TAFA1: variants seen among roughly 807,000 people sequenced by gnomAD.
The protein encoded by TAFA1 is TAFA chemokine like family member 1, also known as chemokine-like protein TAFA-1.
Under a neutral mutation model 18.5 loss-of-function variants are expected in TAFA1, and 4 were observed. The observed-to-expected ratio is 0.22, with a 90% CI of 0.11 to 0.49. TAFA1 has a LOEUF of 0.49. Ranked by LOEUF, TAFA1 falls within the 20% of genes least tolerant of loss-of-function variation. The pLI, the probability that TAFA1 is intolerant of heterozygous loss-of-function variation, is 0.98. For missense variants in TAFA1, 147 were observed against 169.0 expected (o/e 0.87, Z 0.72); for synonymous variants, 56 against 55.2 (o/e 1.01, Z -0.06).
intron 2 of TAFA1, chr3:68,145,497 G>A (rs981899207): frequency 1.0e-6 from 1 of 963,300 alleles, no homozygotes; most frequent in African/African-American, 1.6e-5. Context: ...GTTCTGCCCA[G>A]AAAGCCAGTT....
intron 3 of TAFA1, among the ~76,000 whole-genome samples, chr3:68,529,806 C>T (rs867825307): frequency 1.3e-5 from 2 of 152,172 alleles, no homozygotes; most frequent in Admixed American, 6.5e-5. Flanking sequence ...GGGGAATTGA[C>T]CTGTTCATGA....
intron 3 of TAFA1, among the ~76,000 whole-genome samples, chr3:68,481,725 G>A (rs149515083): frequency 6.5e-4 from 99 of 152,208 alleles, no homozygotes; most frequent in South Asian, 6.2e-3. Context: ...TCAATATGTC[G>A]TAGCTTTTTT....
intron 2 of TAFA1, among the ~76,000 whole-genome samples, chr3:68,046,492 T>C (rs936485361): frequency 8.5e-5 from 13 of 152,198 alleles, no homozygotes; most frequent in Non-Finnish European, 8.8e-5. Flanking sequence ...TTTAAACAAA[T>C]GTTTGGCTGT....
chr3:68,176,042 A>T (rs2066120771), intron 2 of TAFA1, among the ~76,000 whole-genome samples: 1 of 152,122 alleles, frequency 6.6e-6, no homozygotes, highest in Non-Finnish European at 1.5e-5. Context: ...TCCACATAAG[A>T]TGTGAGTTGC....
chr3:68,337,722 T>C (rs994335642), intron 2 of TAFA1, among the ~76,000 whole-genome samples: 1 of 152,234 alleles, frequency 6.6e-6, no homozygotes, highest in African/African-American at 2.4e-5. Context: ...GTTTAAGTAC[T>C]GCATTTCTTA....
At chr3:68,430,041 G>A (rs906524201) in intron 3 of TAFA1, among the ~76,000 whole-genome samples, 2 of 151,894 alleles carry the variant, frequency 1.3e-5, no homozygotes, top group African/African-American at 2.4e-5. Flanking sequence ...GCTGAACAAA[G>A]ACAGCCCCTT....
At position 68,505,996 on chromosome 3, in the gene TAFA1, G is replaced by A. The variant is rs1014154750; in HGVS notation, c.260-32760G>A. ...GATGGTTTGCTGCACCCATCAACCCGTCATCTACATGAGGTTATTTCTCCT... is the reference window on the plus strand; with the variant it reads ...GATGGTTTGCTGCACCCATCAACCCATCATCTACATGAGGTTATTTCTCCT... On this transcript the variant is annotated intron_variant, in intron 3 of 4. Transcript: ENST00000478136. Among the ~76,000 whole-genome samples, 9 of 151,786 alleles carry A rather than the reference G, an allele frequency of 5.9e-5. No individual in the cohort carries two copies. The East Asian group carries it at 9.7e-4, about 16-fold the overall frequency.
chr3:68,023,249 TC>T (rs1344258567), intron 2 of TAFA1, among the ~76,000 whole-genome samples: 2 of 152,142 alleles, frequency 1.3e-5, no homozygotes, highest in East Asian at 1.9e-4. Context: ...TATGCATACT[TC>T]TTTCTTGCTC....
At chr3:68,017,882 C>G (rs1278552947) in intron 2 of TAFA1, among the ~76,000 whole-genome samples, 1 of 152,122 alleles carries the variant, frequency 6.6e-6, no homozygotes, top group Non-Finnish European at 1.5e-5. Flanking sequence ...AAGCAGGAAG[C>G]AATTCATTCT....
intron 2 of TAFA1, chr3:68,247,761 T>A (rs548558089): frequency 2.0e-5 from 3 of 152,234 alleles, no homozygotes; most frequent in Admixed American, 2.0e-4. Flanking sequence ...TGTTGCAGAA[T>A]GTGAAGGAGC....
At chr3:68,000,417 G>A (rs1040765797), upstream of TAFA1, among the ~76,000 whole-genome samples, 13 of 152,176 alleles carry the variant, frequency 8.5e-5, no homozygotes, top group African/African-American at 2.9e-4. Flanking sequence ...ATCTTGTCTG[G>A]AGTACTAGAG....
At chr3:68,419,886 A>G (rs1022452833) in intron 3 of TAFA1, among the ~76,000 whole-genome samples, 3 of 152,148 alleles carry the variant, frequency 2.0e-5, no homozygotes, top group African/African-American at 7.2e-5. Context: ...GAATTCGTAA[A>G]TTCTTCAGGC....
rs1311649908 is a variant in TAFA1, at chr3:68,096,911, T to C, written c.118+90167T>C. Among the ~76,000 whole-genome samples, 3 of 152,164 alleles carry C rather than the reference T, an allele frequency of 2.0e-5. No homozygotes were observed. The South Asian group carries it at 6.2e-4, about 32-fold the overall frequency. Reference sequence around the variant, plus strand: ...AAAGCAATCAGATAGATTGGAGAGTTTTTGAAAACACCTAATTACAATCCA... The same window carrying C: ...AAAGCAATCAGATAGATTGGAGAGTCTTTGAAAACACCTAATTACAATCCA... On this transcript the variant is annotated intron_variant, in intron 2 of 4. Coordinates refer to ENST00000478136, the MANE Select transcript of TAFA1 (RefSeq NM_213609.4).
intron 2 of TAFA1, among the ~76,000 whole-genome samples, chr3:68,083,958 C>T (rs185106903): frequency 6.6e-6 from 1 of 152,320 alleles, no homozygotes; most frequent in Non-Finnish European, 1.5e-5. Context: ...ACTGCAAAGA[C>T]TCTTCTTTCC....
chr3:68,498,293 G>A (rs1277069552), intron 3 of TAFA1, among the ~76,000 whole-genome samples: 3 of 152,092 alleles, frequency 2.0e-5, no homozygotes, highest in Non-Finnish European at 4.4e-5. Context: ...ATATTATTTT[G>A]TAATCATTTA....
chr3:68,394,464 A>G (rs1575830420), intron 2 of TAFA1, among the ~76,000 whole-genome samples: 2 of 152,190 alleles, frequency 1.3e-5, no homozygotes, highest in African/African-American at 4.8e-5. Context: ...TTTAAATTTC[A>G]TATGGAACCA....
chr3:68,024,090 T>A lies in TAFA1; in HGVS notation c.118+17346T>A, dbSNP rs148639191. On this transcript the variant is annotated intron_variant, in intron 2 of 4. Transcript: ENST00000478136. ...TGCTGCTGTTTGCTTCAGATGAAAC[T>A]TTTATAGGGCATATTCAGTAAGTAG... Among the ~76,000 whole-genome samples, 5 of 152,328 alleles carry A rather than the reference T, an allele frequency of 3.3e-5. No individual in the cohort carries two copies. In the East Asian group the frequency reaches 9.6e-4, roughly 29 times the overall value.
intron 2 of TAFA1, among the ~76,000 whole-genome samples, chr3:68,052,930 T>C (rs1350443562): frequency 6.6e-6 from 1 of 152,200 alleles, no homozygotes; most frequent in Non-Finnish European, 1.5e-5. Flanking sequence ...TAATCTCTAC[T>C]GGACAATATT....
At chr3:68,540,855 G>C (rs966838948) in intron 4 of TAFA1, among the ~76,000 whole-genome samples, 2 of 152,098 alleles carry the variant, frequency 1.3e-5, no homozygotes, top group Admixed American at 6.6e-5. Context: ...CTTTTATTTG[G>C]CCTCTGTAGA....
Sources: gnomAD v4.1 joint callset for allele counts (sites outside exome capture counted in the v4.1 genomes callset) on GRCh38, gnomAD v4.1.1 for gene constraint, MANE v1.5 for transcripts, NCBI Gene and HGNC (gene_info 2026-07-23, HGNC 2026-07-21) for gene names.